Variants in CHCHD6 observed in about 807,000 individuals in gnomAD.
The protein encoded by CHCHD6 is MICOS complex subunit MIC25.
In CHCHD6, 28 loss-of-function variants were observed where a neutral mutation model predicts 32.3. The observed-to-expected ratio is 0.87, with a 90% confidence interval of 0.64 to 1.19. The LOEUF (loss-of-function observed/expected upper bound fraction) is 1.19, where lower values mean the gene tolerates loss of function less well. Ranked by LOEUF, CHCHD6 falls within the 50% of genes most tolerant of loss-of-function variation. The pLI, the probability that CHCHD6 is intolerant of heterozygous loss-of-function variation, is 0.00. For missense variants in CHCHD6, 333 were observed against 307.0 expected, an observed-to-expected ratio of 1.08 and a Z score of -0.63; for synonymous variants, 122 against 117.5, an observed-to-expected ratio of 1.04 and a Z score of -0.25.
intron 5 of CHCHD6, among the ~76,000 whole-genome samples, chr3:126,902,460 T>C (rs1239695174): frequency 6.6e-6 from 1 of 152,136 alleles, no homozygotes; most frequent in Non-Finnish European, 1.5e-5. Flanking sequence ...CTCAAGCCTA[T>C]AATCCCAGCA....
rs34694479 is a variant in CHCHD6 at position 126,764,223 on chromosome 3, AT to A, written c.411+31002del. On this transcript the variant is annotated intron_variant, in intron 4 of 7. Coordinates refer to ENST00000290913, the MANE Select transcript of CHCHD6 (RefSeq NM_032343.3). The stretch of plus-strand genomic sequence containing the variant: ...TGCATATATATATATATATATATAT[AT>A]AAATATATGAAATAATACAATTACA... 6.1e-5 allele frequency among the ~76,000 whole-genome samples: 9 copies of A among 147,920 alleles called. No individual in the cohort carries two copies. In the South Asian group the frequency reaches 1.1e-3, roughly 17 times the overall value.
At chr3:126,808,667 G>T (rs951211267) in intron 4 of CHCHD6, among the ~76,000 whole-genome samples, 1 of 152,010 alleles carries the variant, frequency 6.6e-6, no homozygotes. Flanking sequence ...AAGAAAAATG[G>T]GTGCCATTTA....
At chr3:126,805,288 G>T (rs1190391509) in intron 4 of CHCHD6, among the ~76,000 whole-genome samples, 1 of 152,092 alleles carries the variant, frequency 6.6e-6, no homozygotes, top group East Asian at 1.9e-4. Flanking sequence ...ACATGATTGT[G>T]TATCTAGAAA....
chr3:126,839,419 T>C (rs1251980213), intron 4 of CHCHD6, among the ~76,000 whole-genome samples: 1 of 152,254 alleles, frequency 6.6e-6, no homozygotes, highest in Non-Finnish European at 1.5e-5. Flanking sequence ...TATTACCATA[T>C]ATCCACATGC....
chr3:126,772,675 T>G (rs1937565416), intron 4 of CHCHD6, among the ~76,000 whole-genome samples: 1 of 152,202 alleles, frequency 6.6e-6, no homozygotes, highest in African/African-American at 2.4e-5. Flanking sequence ...CCATTGGGTC[T>G]TCTTTATCCA....
At chr3:126,932,316 C>T (rs968316806) in intron 6 of CHCHD6, among the ~76,000 whole-genome samples, 7 of 152,142 alleles carry the variant, frequency 4.6e-5, no homozygotes, top group East Asian at 3.9e-4. Flanking sequence ...CCACCCCAAG[C>T]GAGGCCCTTG....
At chr3:126,889,105 G>C (rs1015977971) in intron 5 of CHCHD6, among the ~76,000 whole-genome samples, 10 of 152,220 alleles carry the variant, frequency 6.6e-5, no homozygotes, top group Non-Finnish European at 1.3e-4. Context: ...CTGCCCAGCT[G>C]TGTTGGGTCC....
intron 2 of CHCHD6, among the ~76,000 whole-genome samples, chr3:126,730,004 G>A (rs900301014): frequency 3.3e-5 from 5 of 152,118 alleles, no homozygotes; most frequent in African/African-American, 1.2e-4. Flanking sequence ...TGATCAAAAG[G>A]GACCTACTGT....
chr3:126,754,665 G>A (rs1291247870), intron 4 of CHCHD6, among the ~76,000 whole-genome samples: 1 of 152,194 alleles, frequency 6.6e-6, no homozygotes, highest in South Asian at 2.1e-4. Context: ...TGGTTTTCAG[G>A]GGAGATTGAT....
intron 2 of CHCHD6, among the ~76,000 whole-genome samples, chr3:126,728,394 G>A (rs1347583457): frequency 6.6e-6 from 1 of 152,228 alleles, no homozygotes; most frequent in East Asian, 1.9e-4. Flanking sequence ...TTGCAGGAGC[G>A]GAGGTCCGGC....
At chr3:126,872,872 C>T (rs919787858) in intron 5 of CHCHD6, among the ~76,000 whole-genome samples, 8 of 152,200 alleles carry the variant, frequency 5.3e-5, no homozygotes, top group African/African-American at 9.6e-5. Flanking sequence ...TGATTTCCCT[C>T]GTTTCTCACC....
intron 1 of CHCHD6, among the ~76,000 whole-genome samples, chr3:126,705,192 A>G (rs904657720): frequency 5.9e-5 from 9 of 151,990 alleles, no homozygotes; most frequent in African/African-American, 1.9e-4. Flanking sequence ...TGACCACCCA[A>G]TCTGAAGTAA....
chr3:126,957,506 G>A lies in CHCHD6; in HGVS notation c.657G>A (p.Ser219=), dbSNP rs201004023. The A allele has an allele frequency of 1.0e-4, 159 of 1,593,626 alleles. No homozygotes were observed. In the East Asian group the frequency reaches 2.3e-3, roughly 23 times the overall value. Residue 219 remains serine, a synonymous_variant, in exon 7 of 8, where the codon TCG becomes TCA. Transcript: ENST00000290913. ...GCCCGCATGAGGTGCTGCTGTGCTC[G>A]GACCTGGTCAAGGCATACCAGCGCT... The part of the protein sequence containing the change: ...RDRPHEVLLC[S]DLVKAYQRCV...
chr3:126,728,493 T>C (rs1287105852), intron 2 of CHCHD6, among the ~76,000 whole-genome samples: 5 of 152,164 alleles, frequency 3.3e-5, no homozygotes, highest in African/African-American at 1.2e-4. Context: ...CCAAGATCTT[T>C]CTGAATATCT....
intron 5 of CHCHD6, among the ~76,000 whole-genome samples, chr3:126,852,987 G>A (rs1442106013): frequency 3.9e-5 from 6 of 152,090 alleles, no homozygotes; most frequent in Admixed American, 6.6e-5. Context: ...AATGTGGCTG[G>A]CTCTACGGTA....
At position 126,923,392 on chromosome 3, in the gene CHCHD6, A is replaced by G. The variant is rs373669238; in HGVS notation, c.566+8642A>G. Among the ~76,000 whole-genome samples, 6 of 152,352 alleles carry G rather than the reference A, an allele frequency of 3.9e-5. 1 individual carries two copies. The South Asian group carries it at 1.2e-3, about 32-fold the overall frequency. On this transcript the variant is annotated intron_variant, in intron 6 of 7. Transcript: ENST00000290913. The stretch of plus-strand genomic sequence containing the variant: ...CAGAGGTCAACCTAATATCTTATAT[A>G]TCTCCGTATCCCCACCATCCAAGCC...
chr3:126,872,531 A>G (rs1408036919), intron 5 of CHCHD6, among the ~76,000 whole-genome samples: 1 of 152,124 alleles, frequency 6.6e-6, no homozygotes, highest in Admixed American at 6.5e-5. Flanking sequence ...GCCTACATGG[A>G]TGGTTTAAGG....
chr3:126,934,083 C>T (rs2078443384), intron 6 of CHCHD6, among the ~76,000 whole-genome samples: 2 of 152,332 alleles, frequency 1.3e-5, no homozygotes, highest in South Asian at 2.1e-4. Context: ...ATTGAGCTCA[C>T]AGAAGTCAGA....
At chr3:126,901,407 T>G (rs1350223743) in intron 5 of CHCHD6, among the ~76,000 whole-genome samples, 1 of 152,170 alleles carries the variant, frequency 6.6e-6, no homozygotes, top group Non-Finnish European at 1.5e-5. Flanking sequence ...GGCACGGGAA[T>G]GTACTAGTTG....
Sources: gnomAD v4.1 joint callset for allele counts (sites outside exome capture counted in the v4.1 genomes callset) on GRCh38, gnomAD v4.1.1 for gene constraint, MANE v1.5 for transcripts, NCBI Gene and HGNC (gene_info 2026-07-23, HGNC 2026-07-21) for gene names.